CNTN5: variants seen among roughly 807,000 people sequenced by gnomAD.
The protein encoded by CNTN5 is contactin 5, also known as contactin-5.
In CNTN5, 77 loss-of-function variants were observed where a neutral mutation model predicts 129.1. The observed-to-expected ratio is 0.60, with a 90% confidence interval of 0.50 to 0.72. CNTN5 has a LOEUF of 0.72. Ranked by LOEUF, CNTN5 falls within the 30% of genes least tolerant of loss-of-function variation. CNTN5 has a pLI of 0.00. For synonymous variants in CNTN5, 509 were observed against 465.6 expected, an observed-to-expected ratio of 1.09 and a Z score of -1.20; for missense variants, 1,478 against 1,328.8, an observed-to-expected ratio of 1.11 and a Z score of -1.75.
At chr11:99,691,168 C>A (rs1406498401) in intron 3 of CNTN5, among the ~76,000 whole-genome samples, 1 of 149,948 alleles carries the variant, frequency 6.7e-6, no homozygotes, top group Non-Finnish European at 1.5e-5. Context: ...GTCTAGCTTG[C>A]AGTCTATCTT....
At chr11:99,347,004 T>G (rs4753948) in intron 2 of CNTN5, among the ~76,000 whole-genome samples, 150,712 of 152,364 alleles carry the variant, frequency 0.99, 74,564 homozygotes, top group East Asian at 1. Flanking sequence ...ACTAGCTAAA[T>G]GTCATTGACT....
intron 1 of CNTN5, among the ~76,000 whole-genome samples, chr11:99,104,366 T>G (rs1305270203): frequency 1.3e-5 from 2 of 151,994 alleles, no homozygotes; most frequent in Non-Finnish European, 2.9e-5. Flanking sequence ...TAGAAGGCAG[T>G]AGCATCCTGA....
chr11:99,164,022 T>C (rs958737215), intron 1 of CNTN5, among the ~76,000 whole-genome samples: 7 of 152,136 alleles, frequency 4.6e-5, no homozygotes, highest in Non-Finnish European at 1.0e-4. Flanking sequence ...TATAAAATTA[T>C]GTCAAAAAAA....
intron 9 of CNTN5, among the ~76,000 whole-genome samples, chr11:100,051,593 A>G (rs1942958608): frequency 6.6e-6 from 1 of 151,972 alleles, no homozygotes; most frequent in African/African-American, 2.4e-5. Context: ...AAGATGAAAG[A>G]TAGTAGAAGA....
At chr11:99,706,297 T>G (rs1034977504) in intron 3 of CNTN5, among the ~76,000 whole-genome samples, 1 of 151,464 alleles carries the variant, frequency 6.6e-6, no homozygotes, top group African/African-American at 2.4e-5. Flanking sequence ...AGGCACACTT[T>G]TAGAACTTAA....
intron 13 of CNTN5, among the ~76,000 whole-genome samples, chr11:100,145,972 A>G (rs1431389286): frequency 6.6e-6 from 1 of 152,184 alleles, no homozygotes; most frequent in Non-Finnish European, 1.5e-5. Context: ...ATACCATGGA[A>G]TAGAGAAGTT....
At chr11:99,222,645 G>A (rs183321471) in intron 1 of CNTN5, among the ~76,000 whole-genome samples, 1 of 152,140 alleles carries the variant, frequency 6.6e-6, no homozygotes, top group East Asian at 1.9e-4. Flanking sequence ...AGTGAAACAT[G>A]TCAGTACTCA....
chr11:99,838,565 G>A (rs940104903), intron 4 of CNTN5, among the ~76,000 whole-genome samples: 5 of 152,176 alleles, frequency 3.3e-5, no homozygotes, highest in African/African-American at 9.7e-5. Context: ...TTAGCTGGGA[G>A]GTTCTGGCTC....
At chr11:99,947,036 T>TTCATCATAAATATGATATAA (rs71463600) in intron 7 of CNTN5, among the ~76,000 whole-genome samples, 59,072 of 151,308 alleles carry the variant, frequency 0.39, 11,656 homozygotes, top group East Asian at 0.47. Context: ...GAGTATGTTT[T>TTCATCATAAATATGATATAA]ACATTATAAA....
At chr11:99,890,490 C>T (rs1949029446) in intron 6 of CNTN5, among the ~76,000 whole-genome samples, 1 of 150,882 alleles carries the variant, frequency 6.6e-6, no homozygotes, top group Non-Finnish European at 1.5e-5. Context: ...CATATGTATT[C>T]AATAATGTAA....
At chr11:99,425,466 C>CTCTCTGCTG in intron 2 of CNTN5, among the ~76,000 whole-genome samples, 1 of 152,366 alleles carries the variant, frequency 6.6e-6, no homozygotes. Flanking sequence ...CACCCCTTGC[C>CTCTCTGCTG]TCTCTGCTGT....
At chr11:99,818,566 A>C (rs1946669127) in intron 3 of CNTN5, among the ~76,000 whole-genome samples, 1 of 122,680 alleles carries the variant, frequency 8.2e-6, no homozygotes, top group African/African-American at 2.5e-5. Flanking sequence ...ACAAACTGCC[A>C]GAGTCTTAGA....
chr11:99,560,783 A>G (rs1291894951), intron 3 of CNTN5, among the ~76,000 whole-genome samples: 5 of 152,176 alleles, frequency 3.3e-5, no homozygotes, highest in Non-Finnish European at 7.3e-5. Flanking sequence ...AACTAAGTCC[A>G]TGGAAGGCAG....
At chr11:100,282,194 G>A (rs141153115) in intron 18 of CNTN5, among the ~76,000 whole-genome samples, 2 of 152,242 alleles carry the variant, frequency 1.3e-5, no homozygotes, top group East Asian at 3.9e-4. Context: ...GGCATTTATT[G>A]TAGTTTTTGC....
At chr11:100,266,715 AG>A (rs1483140969) in intron 17 of CNTN5, among the ~76,000 whole-genome samples, 7 of 149,172 alleles carry the variant, frequency 4.7e-5, no homozygotes, top group African/African-American at 1.7e-4. Flanking sequence ...TAAAATCTCT[AG>A]TTATGACCAA....
intron 3 of CNTN5, among the ~76,000 whole-genome samples, chr11:99,662,961 T>C (rs1215573446): frequency 6.6e-6 from 1 of 152,196 alleles, no homozygotes; most frequent in Non-Finnish European, 1.5e-5. Context: ...GAACACTGAA[T>C]ATACAATAGA....
At chr11:99,859,565 A>G (rs1214809072) in intron 6 of CNTN5, among the ~76,000 whole-genome samples, 1 of 152,042 alleles carries the variant, frequency 6.6e-6, no homozygotes, top group Non-Finnish European at 1.5e-5. Context: ...ACATGTACCC[A>G]TTATTTATCT....
intron 15 of CNTN5, among the ~76,000 whole-genome samples, chr11:100,203,898 T>C (rs1261107544): frequency 6.6e-6 from 1 of 151,682 alleles, no homozygotes; most frequent in Non-Finnish European, 1.5e-5. Flanking sequence ...TTTCTCTTAT[T>C]ATTTTACAGC....
intron 10 of CNTN5, among the ~76,000 whole-genome samples, chr11:100,067,950 T>C (rs900999555): frequency 2.6e-5 from 4 of 152,184 alleles, no homozygotes; most frequent in African/African-American, 4.8e-5. Flanking sequence ...AAATTTTTTC[T>C]TCCAATTTCT....
Sources: gnomAD v4.1 joint callset for allele counts (sites outside exome capture counted in the v4.1 genomes callset) on GRCh38, gnomAD v4.1.1 for gene constraint, MANE v1.5 for transcripts, NCBI Gene and HGNC (gene_info 2026-07-23, HGNC 2026-07-21) for gene names.